PCDHGA4: variants seen among roughly 807,000 people sequenced by gnomAD.
PCDHGA4 encodes protocadherin gamma-A4.
A neutral mutation model predicts 54.6 loss-of-function variants in PCDHGA4; 38 were observed. That is an observed-to-expected ratio of 0.70 (90% CI 0.54 to 0.91). The LOEUF (loss-of-function observed/expected upper bound fraction) is 0.91, where lower values mean the gene tolerates loss of function less well. Ranked by LOEUF, PCDHGA4 falls within the 40% of genes least tolerant of loss-of-function variation. PCDHGA4 has a pLI of 0.00. For missense variants in PCDHGA4, 1,298 were observed against 1,220.9 expected (o/e 1.06, Z -0.94); for synonymous variants, 511 against 512.9 (o/e 1.00, Z 0.05).
rs113212669 is a variant in PCDHGA4 at position 141,465,048 on chromosome 5, A to T, written c.2515-29759A>T. 2.4e-3 allele frequency among the ~76,000 whole-genome samples: 362 copies of T among 151,344 alleles called. 4 individuals are homozygous for T. Among genetic ancestry groups the T allele is most frequent in the African/African-American group, 8.4e-3 (346 of 41,268 alleles). On this transcript the variant is annotated intron_variant, in intron 1 of 3. Transcript: ENST00000571252. ...TGAACCACCACAAATGACCCTATAT[A>T]TTTTTTTGAATTGTCTGTTCATGTC...
chr5:141,444,240 C>A (rs1017550385), intron 1 of PCDHGA4, among the ~76,000 whole-genome samples: 1 of 128,688 alleles, frequency 7.8e-6, no homozygotes, highest in Admixed American at 9.7e-5. Flanking sequence ...GGCATGCTCT[C>A]GGCTCACTGC....
intron 1 of PCDHGA4, chr5:141,413,689 C>A: frequency 1.2e-6 from 2 of 1,613,800 alleles, no homozygotes; most frequent in Non-Finnish European, 1.7e-6. Flanking sequence ...GAACTCCCTG[C>A]AGAGCTATCA....
intron 1 of PCDHGA4, chr5:141,398,010 G>A: frequency 7.1e-7 from 1 of 1,408,980 alleles, no homozygotes; most frequent in South Asian, 1.5e-5. Context: ...AAAAAGAATC[G>A]TTTCCTAAAC....
chr5:141,362,234 C>T, intron 1 of PCDHGA4: 1 of 1,614,040 alleles, frequency 6.2e-7, no homozygotes, highest in Non-Finnish European at 8.5e-7. Flanking sequence ...GCCTTGATCT[C>T]AGTGCTCTTC....
Position 141,511,319 on chromosome 5 carries a change from C to A in PCDHGA4, c.*146C>A. On this transcript the variant is annotated 3_prime_UTR_variant, in exon 4 of 4. Coordinates refer to ENST00000571252, the MANE Select transcript of PCDHGA4 (RefSeq NM_018917.4). ...CCATGCTCCCCTTGGGAAACAGAAA[C>A]AAGTGCCCAGTCAGCACCTACCCCT... is the stretch of plus-strand genomic sequence containing the variant. 6.8e-7 allele frequency: 1 copy of A among 1,477,420 alleles called. No homozygotes were observed. The highest frequency in any genetic ancestry group is 9.0e-7 in the Non-Finnish European group (1 of 1,108,340). 91.5% of individuals were successfully genotyped at this position (1,477,420 alleles called of 1,614,324 possible).
rs746913952 is a variant in PCDHGA4, at chr5:141,432,898, G to T, written c.2515-61909G>T. 2.5e-6 allele frequency: 4 copies of T among 1,614,174 alleles called. No individual in the cohort carries two copies. Among genetic ancestry groups the T allele is most frequent in the Admixed American group, 3.3e-5 (2 of 60,034 alleles). ...TGGCCTTCGTCATCTTGCTGCTGGC[G>T]CTCAGGCTGCGGCGCTGGCACAAGT... On this transcript the variant is annotated intron_variant, in intron 1 of 3. Coordinates refer to ENST00000571252, the MANE Select transcript of PCDHGA4 (RefSeq NM_018917.4). The surrounding 1 kb of genome is among the most constrained non-coding windows in gnomAD (Gnocchi z 6.0).
At position 141,431,684 on chromosome 5, in the gene PCDHGA4, C is replaced by A. The variant is rs1017231854; in HGVS notation, c.2515-63123C>A. On this transcript the variant is annotated intron_variant, in intron 1 of 3. Transcript: ENST00000571252. This position sits in a 1 kb window ranked among gnomAD's most constrained non-coding sequence, Gnocchi z 4.8. Reference sequence around the variant, plus strand: ...AATATCAACAATAGGGGAGTTGGACCACGAGGAGTCAGGATTCTACCAGAT... The same window carrying A: ...AATATCAACAATAGGGGAGTTGGACAACGAGGAGTCAGGATTCTACCAGAT... The A allele has an allele frequency of 1.9e-6, 3 of 1,614,186 alleles. No homozygotes were observed. Among genetic ancestry groups the A allele is most frequent in the Admixed American group, 1.7e-5 (1 of 60,032 alleles).
intron 1 of PCDHGA4, chr5:141,410,113 A>G (rs760617436): frequency 3.4e-5 from 55 of 1,612,436 alleles, no homozygotes; most frequent in Non-Finnish European, 4.6e-5. Flanking sequence ...ACAGGGACGC[A>G]GCCCGCCAGC....
chr5:141,372,439 C>G, intron 1 of PCDHGA4: 2 of 1,614,068 alleles, frequency 1.2e-6, no homozygotes, highest in Non-Finnish European at 1.7e-6. Context: ...CCCACTCCCT[C>G]TGACCCTCAG....
chr5:141,368,214 T>C (rs983603842), intron 1 of PCDHGA4, among the ~76,000 whole-genome samples: 12 of 152,194 alleles, frequency 7.9e-5, no homozygotes, highest in African/African-American at 2.9e-4. Flanking sequence ...ATATTACAAA[T>C]GGGATAGTAA....
chr5:141,483,509 C>A (rs2099582178), intron 1 of PCDHGA4, among the ~76,000 whole-genome samples: 1 of 147,450 alleles, frequency 6.8e-6, no homozygotes, highest in African/African-American at 2.5e-5. Flanking sequence ...AGGCTGATCC[C>A]CCTAGATCCT....
In PCDHGA4 at chr5:141,486,757, C is replaced by A; in HGVS notation, c.2515-8050C>A. 5 of 1,614,228 alleles carry A rather than the reference C, an allele frequency of 3.1e-6. No homozygotes were observed. Among genetic ancestry groups the A allele is most frequent in the Non-Finnish European group, 4.2e-6 (5 of 1,180,036 alleles). ...CTCGATCCTTTGACTATGAGCAAAC[C>A]CAGACACTGCAGTTTGAGGTGCAGG... On this transcript the variant is annotated intron_variant, in intron 1 of 3. Coordinates refer to ENST00000571252, the MANE Select transcript of PCDHGA4 (RefSeq NM_018917.4). This position sits in a 1 kb window ranked among gnomAD's most constrained non-coding sequence, Gnocchi z 5.0.
intron 1 of PCDHGA4, chr5:141,389,398 T>C (rs1384148422): frequency 1.2e-6 from 2 of 1,613,536 alleles, no homozygotes; most frequent in East Asian, 4.5e-5. Flanking sequence ...TACGTGTCCA[T>C]AAGCGCGGAG....
rs1317699369 is a variant in PCDHGA4 at position 141,477,408 on chromosome 5, A to G, written c.2515-17399A>G. The G allele has an allele frequency of 6.2e-7, 1 of 1,614,098 alleles. No homozygotes were observed. ...TACAACCTCAGCATCACCGCCCGAG[A>G]CGCCGGAACCCCTTCCCTCTCAGCC... On this transcript the variant is annotated intron_variant, in intron 1 of 3. Transcript: ENST00000571252. This position sits in a 1 kb window ranked among gnomAD's most constrained non-coding sequence, Gnocchi z 4.9.
intron 1 of PCDHGA4, chr5:141,423,443 C>A: frequency 6.2e-7 from 1 of 1,613,998 alleles, no homozygotes; most frequent in Non-Finnish European, 8.5e-7. Flanking sequence ...ATGCCCACGT[C>A]ACATTTTGTA....
chr5:141,420,488 A>C, intron 1 of PCDHGA4: 1 of 534,916 alleles, frequency 1.9e-6, no homozygotes, highest in East Asian at 3.8e-5. Context: ...CTACATGGGT[A>C]ATCTCCGGTG....
chr5:141,444,524 A>G (rs563709940), intron 1 of PCDHGA4, among the ~76,000 whole-genome samples: 47 of 152,224 alleles, frequency 3.1e-4, no homozygotes, highest in African/African-American at 1.1e-3. Context: ...AGTAGGTGAG[A>G]CAGTGACTGT....
In PCDHGA4 at chr5:141,385,336, C is replaced by T. The variant is rs866774654; in HGVS notation, c.2514+27715C>T. 2.5e-6 allele frequency: 4 copies of T among 1,579,494 alleles called. No homozygotes were observed. In the African/African-American group the frequency reaches 5.4e-5, roughly 22 times the overall value. ...GCCAAGTATTCAGGTGAGCCCAGCC[C>T]TTCCTTTATTTCCATGAGGAATTTA... On this transcript the variant is annotated intron_variant, in intron 1 of 3. Coordinates refer to ENST00000571252, the MANE Select transcript of PCDHGA4 (RefSeq NM_018917.4).
intron 1 of PCDHGA4, among the ~76,000 whole-genome samples, chr5:141,447,165 G>T (rs1192617600): frequency 6.6e-6 from 1 of 151,842 alleles, no homozygotes; most frequent in African/African-American, 2.4e-5. Flanking sequence ...TTTAAGCGGG[G>T]TCTTGCTCTT....
Sources: gnomAD v4.1 joint callset for allele counts (sites outside exome capture counted in the v4.1 genomes callset) on GRCh38, gnomAD v4.1.1 for gene constraint, Gnocchi (gnomAD v3.1) non-coding constraint, MANE v1.5 for transcripts, NCBI Gene and HGNC (gene_info 2026-07-23, HGNC 2026-07-21) for gene names.